The following BMPR1B variants were observed in gnomAD, a reference collection of about 807,000 sequenced individuals.
BMPR1B encodes the protein bone morphogenetic protein receptor type 1B.
A neutral mutation model predicts 59.1 loss-of-function variants in BMPR1B; 12 were observed. That is an observed-to-expected ratio of 0.20 (90% CI 0.13 to 0.33). The LOEUF (loss-of-function observed/expected upper bound fraction) is 0.33, where lower values mean the gene tolerates loss of function less well. BMPR1B is among the 10% of genes least tolerant of loss of function. BMPR1B has a pLI of 1.00. For missense variants in BMPR1B, 550 were observed against 610.9 expected (o/e 0.90, Z 1.05); for synonymous variants, 237 against 207.3 (o/e 1.14, Z -1.23).
chr4:95,141,726 C>T (rs1734243113), intron 10 of BMPR1B, among the ~76,000 whole-genome samples: 1 of 152,182 alleles, frequency 6.6e-6, no homozygotes. Flanking sequence ...AGCAACCACT[C>T]TGAGACTTCA....
At chr4:94,900,837 T>C (rs1024640761) in intron 2 of BMPR1B, among the ~76,000 whole-genome samples, 5 of 152,058 alleles carry the variant, frequency 3.3e-5, no homozygotes, top group African/African-American at 1.2e-4. Context: ...TCCTCACCCA[T>C]ATCTCTGGAA....
intron 1 of BMPR1B, among the ~76,000 whole-genome samples, chr4:94,761,930 G>A (rs988394429): frequency 2.0e-5 from 3 of 152,118 alleles, no homozygotes; most frequent in African/African-American, 7.2e-5. Flanking sequence ...TTAAAAAGTC[G>A]CTTATATGAC....
intron 2 of BMPR1B, among the ~76,000 whole-genome samples, chr4:94,953,167 A>C (rs1204076293): frequency 6.6e-6 from 1 of 151,776 alleles, no homozygotes; most frequent in Non-Finnish European, 1.5e-5. Context: ...TGCACGTGAG[A>C]TGGGTTTCCT....
intron 2 of BMPR1B, among the ~76,000 whole-genome samples, chr4:94,912,898 C>T (rs1257141256): frequency 6.6e-6 from 1 of 151,984 alleles, no homozygotes; most frequent in Admixed American, 6.6e-5. Context: ...AAATGTAAAA[C>T]TTGGATTCAT....
intron 3 of BMPR1B, among the ~76,000 whole-genome samples, chr4:95,096,757 A>T (rs977102167): frequency 7.2e-6 from 1 of 138,060 alleles, no homozygotes; most frequent in African/African-American, 2.7e-5. Flanking sequence ...ATATATAGTT[A>T]TATATAACTA....
At position 94,805,506 on chromosome 4, in the gene BMPR1B, G is replaced by T. The variant is rs550921174; in HGVS notation, c.-183+47438G>T. Among the ~76,000 whole-genome samples, 714 of 152,288 alleles carry T rather than the reference G, an allele frequency of 4.7e-3. 8 individuals are homozygous for T. The highest frequency in any genetic ancestry group is 0.016 in the African/African-American group (675 of 41,576). ...GTTTTGTGACTAAAGATAAAAGAGA[G>T]CTGCAGCTTTGTTTCAGAAGACTTT... On this transcript the variant is annotated intron_variant, in intron 1 of 12. Transcript: ENST00000515059.
chr4:94,891,961 T>G (rs745503939), intron 2 of BMPR1B, among the ~76,000 whole-genome samples: 1 of 152,070 alleles, frequency 6.6e-6, no homozygotes, highest in Non-Finnish European at 1.5e-5. Context: ...ATTTTTTAAT[T>G]TACTTTAATA....
At chr4:94,877,328 C>A (rs1578751426) in intron 2 of BMPR1B, among the ~76,000 whole-genome samples, 2 of 152,262 alleles carry the variant, frequency 1.3e-5, no homozygotes, top group East Asian at 3.9e-4. Context: ...AAAGGTTTTG[C>A]TCATTTTTGA....
chr4:94,907,530 C>G (rs1578788105), intron 2 of BMPR1B, among the ~76,000 whole-genome samples: 1 of 151,958 alleles, frequency 6.6e-6, no homozygotes, highest in East Asian at 1.9e-4. Flanking sequence ...CCTCTCTTCT[C>G]CATTCCCCTT....
At chr4:95,007,669 A>G (rs1462634881) in intron 3 of BMPR1B, among the ~76,000 whole-genome samples, 1 of 152,226 alleles carries the variant, frequency 6.6e-6, no homozygotes, top group Non-Finnish European at 1.5e-5. Flanking sequence ...GCTCCTTCAA[A>G]TGCTTTGAAA....
chr4:95,082,055 T>C (rs953255326), intron 3 of BMPR1B, among the ~76,000 whole-genome samples: 5 of 151,666 alleles, frequency 3.3e-5, no homozygotes, highest in Non-Finnish European at 7.4e-5. Flanking sequence ...CATATGTATA[T>C]ATGTGCCATG....
intron 10 of BMPR1B, among the ~76,000 whole-genome samples, chr4:95,146,229 T>C (rs1321281297): frequency 6.6e-6 from 1 of 152,148 alleles, no homozygotes; most frequent in Non-Finnish European, 1.5e-5. Context: ...AGAGATGGCT[T>C]ATTGCTGAAC....
At chr4:94,758,102 G>A (rs1309171258) in intron 1 of BMPR1B, 34 bp downstream of exon 1, 1 of 148,826 alleles carries the variant, frequency 6.7e-6, no homozygotes, top group Non-Finnish European at 1.5e-5. Context: ...CGTCCCCTGC[G>A]GGTGGCCGAG....
intron 2 of BMPR1B, among the ~76,000 whole-genome samples, chr4:94,899,008 C>T (rs72887886): frequency 0.034 from 5,216 of 152,140 alleles, 296 homozygotes; most frequent in African/African-American, 0.12. Flanking sequence ...GAGTTGGAAT[C>T]AAGGTGTCAG....
At chr4:94,761,447 G>GTGTGTGTA (rs1553992294) in intron 1 of BMPR1B, among the ~76,000 whole-genome samples, 21 of 149,656 alleles carry the variant, frequency 1.4e-4, no homozygotes, top group Middle Eastern at 3.5e-3. Flanking sequence ...GTGTGTGTGT[G>GTGTGTGTA]TGTGTGTGTG....
chr4:95,035,621 T>G (rs1345900812), intron 3 of BMPR1B, among the ~76,000 whole-genome samples: 2 of 152,196 alleles, frequency 1.3e-5, no homozygotes, highest in Non-Finnish European at 2.9e-5. Flanking sequence ...GGTTCTCTAT[T>G]CTGTTCCATT....
chr4:94,780,091 G>T (rs1722530914), intron 1 of BMPR1B, among the ~76,000 whole-genome samples: 1 of 152,008 alleles, frequency 6.6e-6, no homozygotes, highest in Admixed American at 6.6e-5. Context: ...TTAATTGCCT[G>T]CTAGATTTGG....
intron 1 of BMPR1B, among the ~76,000 whole-genome samples, chr4:94,769,907 T>G (rs569546178): frequency 6.6e-6 from 1 of 152,180 alleles, no homozygotes; most frequent in Non-Finnish European, 1.5e-5. Flanking sequence ...ATTTGGAAAG[T>G]GATTAGATTT....
At chr4:95,086,361 T>C (rs533215458) in intron 3 of BMPR1B, among the ~76,000 whole-genome samples, 1 of 152,330 alleles carries the variant, frequency 6.6e-6, no homozygotes, top group Non-Finnish European at 1.5e-5. Context: ...CCAGGCTTGT[T>C]ACACAGCAGT....
Sources: gnomAD v4.1 joint callset for allele counts (sites outside exome capture counted in the v4.1 genomes callset) on GRCh38, gnomAD v4.1.1 for gene constraint, MANE v1.5 for transcripts, NCBI Gene and HGNC (gene_info 2026-07-23, HGNC 2026-07-21) for gene names.